Variants in EIPR1 observed in about 807,000 individuals in gnomAD.
The protein encoded by EIPR1 is EARP complex and GARP complex interacting protein 1.
Under a neutral mutation model 48.1 loss-of-function variants are expected in EIPR1, and 25 were observed. The observed-to-expected ratio is 0.52, with a 90% CI of 0.38 to 0.73. The LOEUF (loss-of-function observed/expected upper bound fraction) is 0.73. Ranked by LOEUF, EIPR1 falls within the 30% of genes least tolerant of loss-of-function variation. EIPR1 has a pLI of 0.00. For missense variants in EIPR1, 415 were observed against 506.2 expected (o/e 0.82, Z 1.73); for synonymous variants, 204 against 201.9 (o/e 1.01, Z -0.09).
chr2:3,344,734 C>T (rs1670351342), intron 2 of EIPR1, among the ~76,000 whole-genome samples: 1 of 150,264 alleles, frequency 6.7e-6, no homozygotes, highest in Non-Finnish European at 1.5e-5. Flanking sequence ...CCTCCACCTC[C>T]CCAGTTCAAA....
intron 3 of EIPR1, among the ~76,000 whole-genome samples, chr2:3,303,402 C>T (rs1668817290): frequency 6.6e-6 from 1 of 152,220 alleles, no homozygotes; most frequent in Non-Finnish European, 1.5e-5. Context: ...AGCTCTGCTG[C>T]TGCCTTAGGC....
intron 3 of EIPR1, among the ~76,000 whole-genome samples, chr2:3,301,957 G>A (rs922822974): frequency 2.0e-5 from 3 of 152,188 alleles, no homozygotes; most frequent in Non-Finnish European, 2.9e-5. Context: ...GCATCAGTTA[G>A]GATTTGACAG....
At chr2:3,223,274 C>T (rs1177715890) in intron 4 of EIPR1, among the ~76,000 whole-genome samples, 1 of 152,176 alleles carries the variant, frequency 6.6e-6, no homozygotes, top group Non-Finnish European at 1.5e-5. Context: ...TTCCCTGGTC[C>T]TTTCCCGTGG....
In EIPR1 at chr2:3,353,480, T is replaced by C. The variant is rs577144779; in HGVS notation, c.126+1070A>G. Among the ~76,000 whole-genome samples, 5 of 152,338 alleles carry C rather than the reference T, an allele frequency of 3.3e-5. No individual in the cohort carries two copies. The South Asian group carries it at 1.0e-3, about 32-fold the overall frequency. On this transcript the variant is annotated intron_variant, in intron 2 of 8. Transcript: ENST00000382125. ...TAATGAGTGTAATAAGGGAATACTATTCACTGTGAGTAACCAGATTCAACC... is the reference window on the plus strand; with the variant it reads ...TAATGAGTGTAATAAGGGAATACTACTCACTGTGAGTAACCAGATTCAACC...
chr2:3,267,061 G>A (rs570818795), intron 3 of EIPR1, among the ~76,000 whole-genome samples: 29 of 152,326 alleles, frequency 1.9e-4, no homozygotes, highest in Middle Eastern at 3.4e-3. Flanking sequence ...CAGTCCTACT[G>A]GACCCAACAC....
intron 3 of EIPR1, among the ~76,000 whole-genome samples, chr2:3,335,686 T>A (rs896885164): frequency 6.6e-6 from 1 of 152,176 alleles, no homozygotes; most frequent in Non-Finnish European, 1.5e-5. Context: ...GATGACTGGA[T>A]CACAGGGTGG....
chr2:3,317,798 G>C (rs989248211), intron 3 of EIPR1, among the ~76,000 whole-genome samples: 1 of 152,202 alleles, frequency 6.6e-6, no homozygotes, highest in Admixed American at 6.5e-5. Flanking sequence ...CGTGCACAGA[G>C]GAGAGGCCAC....
intron 2 of EIPR1, among the ~76,000 whole-genome samples, chr2:3,341,351 G>T (rs1670241821): frequency 6.6e-6 from 1 of 152,164 alleles, no homozygotes; most frequent in Admixed American, 6.5e-5. Context: ...GAATCTGAGG[G>T]GTCTGCTGGG....
At chr2:3,246,208 C>G (rs1466755681) in intron 4 of EIPR1, among the ~76,000 whole-genome samples, 6 of 152,222 alleles carry the variant, frequency 3.9e-5, no homozygotes, top group Non-Finnish European at 7.3e-5. Context: ...AGCACATTTT[C>G]TTACTACTTA....
chr2:3,207,330 C>T lies in EIPR1; in HGVS notation c.516+6819G>A, dbSNP rs146075607. Among the ~76,000 whole-genome samples the T allele has an allele frequency of 1.1e-4, 16 of 152,344 alleles. No homozygotes were observed. The East Asian group carries it at 2.9e-3, about 28-fold the overall frequency. On this transcript the variant is annotated intron_variant, in intron 5 of 8. Coordinates refer to ENST00000382125, the MANE Select transcript of EIPR1 (RefSeq NM_003310.5). ...CAGGAAGGGGACCTCGTTTTGCAGG[C>T]TGCACTGCTGCCCCAGCTGCAGGAG...
chr2:3,375,227 T>A (rs1279085072), intron 1 of EIPR1, among the ~76,000 whole-genome samples: 3 of 97,050 alleles, frequency 3.1e-5, no homozygotes, highest in Non-Finnish European at 5.8e-5. Context: ...CTGGGGACTG[T>A]TGTGGGGTGG....
chr2:3,309,859 G>A (rs990583949), intron 3 of EIPR1, among the ~76,000 whole-genome samples: 1 of 152,196 alleles, frequency 6.6e-6, no homozygotes, highest in African/African-American at 2.4e-5. Flanking sequence ...AGAGGCAGCA[G>A]AGCTGGGGGT....
At chr2:3,288,976 A>G (rs902059047) in intron 3 of EIPR1, among the ~76,000 whole-genome samples, 1 of 152,208 alleles carries the variant, frequency 6.6e-6, no homozygotes, top group African/African-American at 2.4e-5. Flanking sequence ...ACAGCCTCCA[A>G]GTGCCTGCAC....
At chr2:3,327,222 C>T (rs994355975) in intron 3 of EIPR1, among the ~76,000 whole-genome samples, 4 of 152,206 alleles carry the variant, frequency 2.6e-5, no homozygotes, top group African/African-American at 7.2e-5. Flanking sequence ...CTCATCCTGT[C>T]GCCCAGGCTG....
intron 4 of EIPR1, among the ~76,000 whole-genome samples, chr2:3,249,380 A>G (rs1666937609): frequency 6.6e-6 from 1 of 152,202 alleles, no homozygotes; most frequent in African/African-American, 2.4e-5. Flanking sequence ...AATGACCTAG[A>G]GTATCTGGCA....
At chr2:3,192,682 G>T in intron 7 of EIPR1, 101 bp from the exon 8 acceptor site, 1 of 1,217,758 alleles carries the variant, frequency 8.2e-7, no homozygotes, top group Non-Finnish European at 1.2e-6. Flanking sequence ...TGGGGCTCAC[G>T]TTAGGCACTG....
chr2:3,332,112 G>A (rs1669916908), intron 3 of EIPR1, among the ~76,000 whole-genome samples: 1 of 152,252 alleles, frequency 6.6e-6, no homozygotes, highest in Non-Finnish European at 1.5e-5. Context: ...GGTGTCAGCA[G>A]AGGCAGGCCC....
chr2:3,377,795 C>G lies in EIPR1; in HGVS notation c.-106G>C. On this transcript the variant is annotated 5_prime_UTR_variant, in exon 1 of 9. Transcript: ENST00000382125. ...TGTTCCCAGCGCCCATTCATTCCCTCCCCGCAGCAAACGACTCCAAACTGG... is the reference window on the plus strand; with the variant it reads ...TGTTCCCAGCGCCCATTCATTCCCTGCCCGCAGCAAACGACTCCAAACTGG... 2 of 1,351,678 alleles carry G rather than the reference C, an allele frequency of 1.5e-6. No homozygotes were observed. Among genetic ancestry groups the G allele is most frequent in the East Asian group, 2.6e-5 (1 of 39,106 alleles). The allele number at this position is 1,351,678 out of a possible 1,614,324, so 83.7% of individuals were successfully genotyped here.
intron 3 of EIPR1, among the ~76,000 whole-genome samples, chr2:3,293,104 T>A (rs1668418447): frequency 6.6e-6 from 1 of 152,242 alleles, no homozygotes; most frequent in South Asian, 2.1e-4. Context: ...TTTCCTTTCA[T>A]TCCATCACAG....
Sources: allele counts gnomAD v4.1 joint callset (sites outside exome capture counted in the v4.1 genomes callset), GRCh38; gene constraint gnomAD v4.1.1; transcripts MANE v1.5; gene names NCBI Gene and HGNC (gene_info 2026-07-23, HGNC 2026-07-21).